The following AGBL4 variants were observed in gnomAD, a reference collection of about 807,000 sequenced individuals.
AGBL4 encodes the protein AGBL carboxypeptidase 4.
AGBL4 carries 58 observed loss-of-function variants against 66.4 expected under a neutral mutation model. The ratio of observed to expected loss-of-function variants is 0.87; its 90% CI spans 0.71 to 1.09. AGBL4 has a LOEUF of 1.09. Ranked by LOEUF, AGBL4 falls within the 50% of genes least tolerant of loss-of-function variation. The probability of loss-of-function intolerance (pLI) is 0.00; values close to 1 mark genes in which losing one functional copy is unlikely to be tolerated. For missense variants in AGBL4, 579 were observed against 631.0 expected (o/e 0.92, Z 0.88); for synonymous variants, 234 against 222.9 (o/e 1.05, Z -0.44).
Position 48,871,185 on chromosome 1 carries a change from C to A in AGBL4, c.595-3955G>T, listed in dbSNP as rs1648616388. 2.0e-5 allele frequency among the ~76,000 whole-genome samples: 3 copies of A among 152,126 alleles called. No homozygotes were observed. In the South Asian group the frequency reaches 6.2e-4, roughly 32 times the overall value. ...CCAAATTATTATAATTGGTTGCCAA[C>A]TGAGAGAGATAAGAGCCTTTAATAT... is the stretch of plus-strand genomic sequence containing the variant. On this transcript the variant is annotated intron_variant, in intron 5 of 13. Coordinates refer to ENST00000371839, the MANE Select transcript of AGBL4 (RefSeq NM_032785.4).
intron 1 of AGBL4, among the ~76,000 whole-genome samples, chr1:49,927,705 G>A (rs1652928653): frequency 6.6e-6 from 1 of 151,668 alleles, no homozygotes; most frequent in Non-Finnish European, 1.5e-5. Flanking sequence ...GGGAAAGAAT[G>A]AAGCACATCT....
chr1:50,019,306 T>TCTCTCTCTCACACA (rs1167835143), intron 1 of AGBL4, among the ~76,000 whole-genome samples: 601 of 48,378 alleles, frequency 0.012, 16 homozygotes, highest in African/African-American at 0.036. Context: ...TCTCTCTCTC[T>TCTCTCTCTCACACA]CACACACACA....
At chr1:48,907,195 AT>A (rs1412151780) in intron 5 of AGBL4, among the ~76,000 whole-genome samples, 1 of 152,204 alleles carries the variant, frequency 6.6e-6, no homozygotes, top group Admixed American at 6.5e-5. Context: ...GCCTTATTGA[AT>A]TTAAGTGAAA....
chr1:48,886,841 G>A (rs551920482), intron 5 of AGBL4, among the ~76,000 whole-genome samples: 32 of 152,234 alleles, frequency 2.1e-4, no homozygotes, highest in South Asian at 1.2e-3. Context: ...GTGAGCCACC[G>A]CGCCCAGCCA....
chr1:49,822,311 G>A (rs1009702101), intron 2 of AGBL4, among the ~76,000 whole-genome samples: 12 of 70,574 alleles, frequency 1.7e-4, no homozygotes, highest in South Asian at 4.8e-4. Flanking sequence ...TTCTTTCTTC[G>A]TGTGTGTGTG....
chr1:48,748,249 C>T (rs530323161), intron 6 of AGBL4, among the ~76,000 whole-genome samples: 42 of 152,226 alleles, frequency 2.8e-4, no homozygotes, highest in Non-Finnish European at 4.1e-4. Context: ...CTTCTCAGAC[C>T]CTCTCAGAAG....
In AGBL4 at chr1:49,147,639, C is replaced by T. The variant is rs376301594; in HGVS notation, c.377+98131G>A. On this transcript the variant is annotated intron_variant, in intron 4 of 13. Coordinates refer to ENST00000371839, the MANE Select transcript of AGBL4 (RefSeq NM_032785.4). ...AAACTATACTTTCCAGGCCAGCTAA[C>T]AGTTTGAAGGTCATTTACCAAGATG... Among the ~76,000 whole-genome samples the T allele has an allele frequency of 3.5e-4, 53 of 152,140 alleles. 2 individuals carry two copies. In the South Asian group the frequency reaches 9.8e-3, roughly 28 times the overall value.
intron 1 of AGBL4, among the ~76,000 whole-genome samples, chr1:50,004,011 T>A (rs901330333): frequency 6.6e-6 from 1 of 152,204 alleles, no homozygotes; most frequent in Non-Finnish European, 1.5e-5. Flanking sequence ...TTCCTATCTG[T>A]CACTGAAAGA....
chr1:49,236,595 G>T (rs1187468058), intron 4 of AGBL4, among the ~76,000 whole-genome samples: 4 of 152,068 alleles, frequency 2.6e-5, no homozygotes, highest in Non-Finnish European at 4.4e-5. Context: ...GTTCAGCAAG[G>T]TCTTGTGAGC....
intron 4 of AGBL4, among the ~76,000 whole-genome samples, chr1:49,205,600 T>C (rs1435804569): frequency 6.6e-6 from 1 of 152,076 alleles, no homozygotes; most frequent in Non-Finnish European, 1.5e-5. Context: ...GTCAAAAGAC[T>C]CTGGTACAAG....
At chr1:49,504,112 A>G (rs959468637) in intron 3 of AGBL4, among the ~76,000 whole-genome samples, 3 of 152,114 alleles carry the variant, frequency 2.0e-5, no homozygotes, top group African/African-American at 7.2e-5. Context: ...GGTTTCCCCC[A>G]TGCTGTTCTG....
At chr1:49,029,082 A>C (rs1663986025) in intron 5 of AGBL4, among the ~76,000 whole-genome samples, 1 of 152,164 alleles carries the variant, frequency 6.6e-6, no homozygotes. Flanking sequence ...AAGGGCATCT[A>C]TAAAAAGCTC....
At chr1:49,578,612 T>C (rs1411810181) in intron 3 of AGBL4, among the ~76,000 whole-genome samples, 1 of 152,230 alleles carries the variant, frequency 6.6e-6, no homozygotes, top group Admixed American at 6.5e-5. Context: ...ATTTCCTTTT[T>C]CCCTTATCAT....
chr1:48,590,612 C>G (rs1644900328), intron 10 of AGBL4, among the ~76,000 whole-genome samples: 1 of 152,022 alleles, frequency 6.6e-6, no homozygotes, highest in East Asian at 1.9e-4. Flanking sequence ...CATCAGCCAG[C>G]CAAAATGCTA....
intron 3 of AGBL4, among the ~76,000 whole-genome samples, chr1:49,533,203 G>C (rs1278413362): frequency 3.3e-5 from 5 of 151,936 alleles, no homozygotes; most frequent in Non-Finnish European, 7.4e-5. Flanking sequence ...CCCACACACA[G>C]ACATCCAGAC....
chr1:49,933,760 C>T (rs995336122), intron 1 of AGBL4, among the ~76,000 whole-genome samples: 2 of 151,582 alleles, frequency 1.3e-5, no homozygotes, highest in African/African-American at 4.8e-5. Context: ...ATGACCATCA[C>T]AAATACATAC....
At chr1:49,274,026 G>C (rs955260929) in intron 3 of AGBL4, among the ~76,000 whole-genome samples, 1 of 152,152 alleles carries the variant, frequency 6.6e-6, no homozygotes, top group African/African-American at 2.4e-5. Context: ...AGAGAGAAGA[G>C]AGACAGATTT....
intron 5 of AGBL4, among the ~76,000 whole-genome samples, chr1:48,911,546 G>A (rs1330226716): frequency 6.6e-6 from 1 of 151,560 alleles, no homozygotes; most frequent in Non-Finnish European, 1.5e-5. Flanking sequence ...CGTGAACCCG[G>A]GAGGCAGAGA....
chr1:49,670,106 C>T (rs1332935120), intron 3 of AGBL4, among the ~76,000 whole-genome samples: 1 of 152,004 alleles, frequency 6.6e-6, no homozygotes, highest in East Asian at 1.9e-4. Flanking sequence ...TCACAACAAT[C>T]TCAGGCCTCT....
Sources: gnomAD v4.1 joint callset for allele counts (sites outside exome capture counted in the v4.1 genomes callset) on GRCh38, gnomAD v4.1.1 for gene constraint, MANE v1.5 for transcripts, NCBI Gene and HGNC (gene_info 2026-07-23, HGNC 2026-07-21) for gene names.